ARHGAP6: variants seen among roughly 807,000 people sequenced by gnomAD.
The protein encoded by ARHGAP6 is Rho GTPase activating protein 6.
ARHGAP6 carries 16 observed loss-of-function variants against 55.7 expected under a neutral mutation model. The observed-to-expected ratio is 0.29, with a 90% CI of 0.19 to 0.44. ARHGAP6 has a LOEUF of 0.44. Ranked by LOEUF, ARHGAP6 falls within the 20% of genes least tolerant of loss-of-function variation. The pLI is 1.00. For missense variants in ARHGAP6, 698 were observed against 808.9 expected, an observed-to-expected ratio of 0.86 and a Z score of 1.66; for synonymous variants, 382 against 360.9, an observed-to-expected ratio of 1.06 and a Z score of -0.66.
intron 9 of ARHGAP6, among the ~76,000 whole-genome samples, chrX:11,167,717 G>A (rs1333578606): frequency 9.0e-6 from 1 of 111,723 alleles, no homozygotes; most frequent in Non-Finnish European, 1.9e-5. Flanking sequence ...AGTTTGATGA[G>A]AAGTATTATT....
chrX:11,426,902 G>T (rs183463027), intron 1 of ARHGAP6, among the ~76,000 whole-genome samples: 79 of 110,243 alleles, frequency 7.2e-4, no homozygotes, highest in Middle Eastern at 9.2e-3. Flanking sequence ...GCACACAGTA[G>T]GTCCCCAGTA....
At chrX:11,514,161 CAAAAAAAAAAAAA>C (rs1156613318) in intron 1 of ARHGAP6, among the ~76,000 whole-genome samples, 1 of 35,778 alleles carries the variant, frequency 2.8e-5, no homozygotes, top group Non-Finnish European at 4.6e-5. Flanking sequence ...AACCCTGTCT[CAAAAAAAAAAAAA>C]AAAAAAAAAA....
intron 1 of ARHGAP6, among the ~76,000 whole-genome samples, chrX:11,281,583 TTC>T (rs780119225): frequency 1.1e-4 from 12 of 111,573 alleles, no homozygotes; most frequent in African/African-American, 3.6e-4. Context: ...AGTGGAGTAG[TTC>T]TCTCTGAATA....
At chrX:11,292,999 C>T (rs2147557983) in intron 1 of ARHGAP6, among the ~76,000 whole-genome samples, 1 of 112,234 alleles carries the variant, frequency 8.9e-6, no homozygotes, top group African/African-American at 3.2e-5. Flanking sequence ...TCAATTTCTC[C>T]TGATCTGAAA....
In ARHGAP6 at chrX:11,665,012, G is replaced by A. The variant is rs1601743616; in HGVS notation, c.-184C>T. 2.5e-6 allele frequency: 1 copy of A among 407,631 alleles called. No individual in the cohort carries two copies. The highest frequency in any genetic ancestry group is 4.1e-6 in the Non-Finnish European group (1 of 243,396). The allele number at this position is 407,631 out of a possible 1,213,427, so 33.6% of individuals were successfully genotyped here. ...GGTGCGCTCCAAGTGCCCCGGCGGC[G>A]GCAGGAGCAGCAGATCCATCACCAG... On this transcript the variant is annotated 5_prime_UTR_variant, in exon 1 of 13. Transcript: ENST00000337414.
At chrX:11,601,215 G>A (rs2051967097) in intron 1 of ARHGAP6, among the ~76,000 whole-genome samples, 1 of 111,527 alleles carries the variant, frequency 9.0e-6, no homozygotes, top group African/African-American at 3.3e-5. Context: ...GGGGCTTAGG[G>A]GAGGGGTGTG....
At chrX:11,502,254 T>C (rs1346435220) in intron 1 of ARHGAP6, among the ~76,000 whole-genome samples, 9 of 112,636 alleles carry the variant, frequency 8.0e-5, no homozygotes, top group Admixed American at 2.8e-4. Flanking sequence ...ATATAACATG[T>C]GATTACATTT....
At chrX:11,454,169 C>G (rs77999657) in intron 1 of ARHGAP6, among the ~76,000 whole-genome samples, 3 of 97,284 alleles carry the variant, frequency 3.1e-5, no homozygotes, top group African/African-American at 1.2e-4. Flanking sequence ...ACCGTGTTAG[C>G]CGGGATGGTC....
At chrX:11,637,981 T>C (rs1428739157) in intron 1 of ARHGAP6, among the ~76,000 whole-genome samples, 1 of 111,479 alleles carries the variant, frequency 9.0e-6, no homozygotes, top group East Asian at 2.8e-4. Flanking sequence ...GAAAGAATGA[T>C]GATTTTTCAA....
chrX:11,417,992 C>G (rs2049776167), intron 1 of ARHGAP6, among the ~76,000 whole-genome samples: 1 of 112,140 alleles, frequency 8.9e-6, no homozygotes, highest in South Asian at 3.7e-4. Flanking sequence ...TATTATTACT[C>G]TAAGTCAGAC....
At chrX:11,587,868 TAAAG>T (rs1325803619) in intron 1 of ARHGAP6, among the ~76,000 whole-genome samples, 1 of 112,200 alleles carries the variant, frequency 8.9e-6, no homozygotes, top group African/African-American at 3.2e-5. Flanking sequence ...CACCTTCACA[TAAAG>T]AAAGCAAAGG....
intron 1 of ARHGAP6, among the ~76,000 whole-genome samples, chrX:11,315,807 A>C (rs1028301017): frequency 9.0e-6 from 1 of 111,437 alleles, no homozygotes; most frequent in African/African-American, 3.3e-5. Flanking sequence ...AATCTCCTTT[A>C]TTTTTCATCT....
chrX:11,571,408 A>G (rs2051515092), intron 1 of ARHGAP6, among the ~76,000 whole-genome samples: 1 of 110,829 alleles, frequency 9.0e-6, no homozygotes. Flanking sequence ...GTAGAATTCT[A>G]AGGATAGCCT....
chrX:11,313,190 G>A (rs2048320290), intron 1 of ARHGAP6, among the ~76,000 whole-genome samples: 1 of 112,362 alleles, frequency 8.9e-6, no homozygotes, highest in Non-Finnish European at 1.9e-5. Context: ...TGCCTGGGCA[G>A]TCTGGCTCGA....
intron 1 of ARHGAP6, among the ~76,000 whole-genome samples, chrX:11,652,854 A>G (rs1183566996): frequency 8.9e-6 from 1 of 112,359 alleles, no homozygotes; most frequent in Non-Finnish European, 1.9e-5. Context: ...TGGAATAGAC[A>G]GAAGACCTTC....
chrX:11,655,377 C>G (rs1234001152), intron 1 of ARHGAP6, among the ~76,000 whole-genome samples: 1 of 112,097 alleles, frequency 8.9e-6, no homozygotes, highest in Admixed American at 9.5e-5. Flanking sequence ...GGACATACAT[C>G]TTCATTTCTC....
chrX:11,471,277 C>G (rs1364690210), intron 1 of ARHGAP6, among the ~76,000 whole-genome samples: 1 of 111,498 alleles, frequency 9.0e-6, no homozygotes, highest in African/African-American at 3.2e-5. Context: ...ACAACAGTAA[C>G]AAAAGCCTTT....
Position 11,309,077 on chromosome X carries a change from C to T in ARHGAP6, c.589-54370G>A, listed in dbSNP as rs151147367. On this transcript the variant is annotated intron_variant, in intron 1 of 12. Transcript: ENST00000337414. Reference sequence around the variant, plus strand: ...GGACACATTGAGCAAATCCCTCCAACGCTATTACTTCCCTCCTTCTTTCCT... The same window carrying T: ...GGACACATTGAGCAAATCCCTCCAATGCTATTACTTCCCTCCTTCTTTCCT... 5.9e-3 allele frequency among the ~76,000 whole-genome samples: 662 copies of T among 111,680 alleles called. 6 individuals carry two copies. The highest frequency in any genetic ancestry group is 0.02 in the African/African-American group (615 of 30,685).
intron 5 of ARHGAP6, among the ~76,000 whole-genome samples, chrX:11,185,996 C>A (rs1436645916): frequency 1.8e-5 from 2 of 111,453 alleles, no homozygotes. Flanking sequence ...TCCAAGGTAA[C>A]TTCTGAGGAC....
Sources: allele counts gnomAD v4.1 joint callset (sites outside exome capture counted in the v4.1 genomes callset), GRCh38; gene constraint gnomAD v4.1.1; transcripts MANE v1.5; gene names NCBI Gene and HGNC (gene_info 2026-07-23, HGNC 2026-07-21).